The following DNAH5 variants were observed in gnomAD, a reference collection of about 807,000 sequenced individuals.
DNAH5 encodes the protein axonemal beta dynein heavy chain 5.
In DNAH5, 372 loss-of-function variants were observed where a neutral mutation model predicts 518.2. The ratio of observed to expected loss-of-function variants is 0.72; its 90% CI spans 0.66 to 0.78. The LOEUF is 0.78. Ranked by LOEUF, DNAH5 falls within the 30% of genes least tolerant of loss-of-function variation. The pLI is 0.00. For synonymous variants in DNAH5, 2,039 were observed against 2,025.9 expected, an observed-to-expected ratio of 1.01 and a Z score of -0.17; for missense variants, 5,523 against 5,687.0, an observed-to-expected ratio of 0.97 and a Z score of 0.93.
Position 13,751,171 on chromosome 5 carries a change from C to T in DNAH5, c.11118G>A (p.Glu3706=). 1 of 1,613,964 alleles carries T rather than the reference C, an allele frequency of 6.2e-7. No individual in the cohort carries two copies. Among genetic ancestry groups the T allele is most frequent in the South Asian group, 1.1e-5 (1 of 91,070 alleles). Residue 3706 remains glutamate, a synonymous_variant, in exon 65 of 79, where the codon GAG becomes GAA. Coordinates refer to ENST00000265104, the MANE Select transcript of DNAH5 (RefSeq NM_001369.3). ...CAATGATGGAGGTACGGGCACTTATCTCAGGGGTGTAGGCTGGGTTAGGCA... is the reference window on the plus strand; with the variant it reads ...CAATGATGGAGGTACGGGCACTTATTTCAGGGGTGTAGGCTGGGTTAGGCA... ...TKLPNPAYTP[E]ISARTSIIDF... is the part of the protein sequence containing the mutation.
intron 1 of DNAH5, among the ~76,000 whole-genome samples, chr5:13,942,230 G>A (rs1779525057): frequency 6.6e-6 from 1 of 152,098 alleles, no homozygotes. Context: ...GTTGTTACTG[G>A]CATGATATTT....
chr5:13,969,674 TTGATA>T (rs1490376215), intron 1 of DNAH5, among the ~76,000 whole-genome samples: 1 of 152,208 alleles, frequency 6.6e-6, no homozygotes, highest in Non-Finnish European at 1.5e-5. Context: ...GAGAGAGTAC[TTGATA>T]TAATTTCAAT....
intron 1 of DNAH5, among the ~76,000 whole-genome samples, chr5:13,936,097 G>C (rs1161375645): frequency 6.6e-6 from 1 of 152,196 alleles, no homozygotes; most frequent in Non-Finnish European, 1.5e-5. Context: ...CTGCTTCCCA[G>C]GTGGCCAATC....
At chr5:13,920,105 C>A (rs570340305) in intron 6 of DNAH5, among the ~76,000 whole-genome samples, 34 of 152,204 alleles carry the variant, frequency 2.2e-4, no homozygotes, top group Non-Finnish European at 4.1e-4. Context: ...TTCATGCCTT[C>A]ATTGAGGACT....
chr5:13,934,473 C>A (rs973030809), intron 1 of DNAH5, among the ~76,000 whole-genome samples: 2 of 152,076 alleles, frequency 1.3e-5, no homozygotes, highest in African/African-American at 4.8e-5. Context: ...AGAATAATTT[C>A]ATTGGTTGGA....
At chr5:13,704,177 G>A (rs1029458215) in intron 76 of DNAH5, among the ~76,000 whole-genome samples, 8 of 152,230 alleles carry the variant, frequency 5.3e-5, no homozygotes, top group African/African-American at 1.9e-4. Flanking sequence ...CAGCAGGTTG[G>A]AGAAGCCACA....
rs138711143 is a variant in DNAH5, at chr5:13,699,174, T to A, written c.13723+1466A>T. Reference sequence around the variant, plus strand: ...GTCTAACTCCCCATAACTCTCATTCTTGTCCTCCAAAGCACATCTCAAAAG... The same window carrying A: ...GTCTAACTCCCCATAACTCTCATTCATGTCCTCCAAAGCACATCTCAAAAG... On this transcript the variant is annotated intron_variant, in intron 78 of 78. Transcript: ENST00000265104. Among the ~76,000 whole-genome samples, 130 of 152,334 alleles carry A rather than the reference T, an allele frequency of 8.5e-4. No homozygotes were observed. In the Middle Eastern group the frequency reaches 0.01, roughly 12 times the overall value.
chr5:13,818,334 C>T (rs1319363337), intron 41 of DNAH5, among the ~76,000 whole-genome samples: 1 of 152,198 alleles, frequency 6.6e-6, no homozygotes, highest in Non-Finnish European at 1.5e-5. Flanking sequence ...CATGGTGGCT[C>T]ACGCCTGTAA....
At chr5:13,739,213 C>T (rs1046038248) in intron 65 of DNAH5, among the ~76,000 whole-genome samples, 3 of 152,172 alleles carry the variant, frequency 2.0e-5, no homozygotes, top group Non-Finnish European at 4.4e-5. Context: ...CCACTCAAAT[C>T]TCACCTTGAA....
intron 35 of DNAH5, among the ~76,000 whole-genome samples, chr5:13,832,334 G>A (rs903907560): frequency 5.3e-5 from 8 of 152,304 alleles, no homozygotes; most frequent in Middle Eastern, 3.4e-3. Flanking sequence ...TGAAAAGCAG[G>A]TGGGCATGCC....
intron 1 of DNAH5, among the ~76,000 whole-genome samples, chr5:13,996,945 G>T (rs1192390713): frequency 2.6e-5 from 4 of 152,232 alleles, no homozygotes; most frequent in Non-Finnish European, 5.9e-5. Flanking sequence ...CTCTGTGGTG[G>T]TCCTGCCCCT....
intron 21 of DNAH5, among the ~76,000 whole-genome samples, chr5:13,878,610 G>A (rs918299456): frequency 1.1e-4 from 17 of 152,240 alleles, no homozygotes; most frequent in South Asian, 8.3e-4. Flanking sequence ...GCTACGACAC[G>A]CACCAAGTGC....
chr5:13,915,513 A>C (rs1776552224), intron 9 of DNAH5, among the ~76,000 whole-genome samples: 1 of 152,086 alleles, frequency 6.6e-6, no homozygotes, highest in Admixed American at 6.6e-5. Flanking sequence ...CGCAACCCTA[A>C]CATATAATTT....
At chr5:13,868,708 C>T (rs1769643820) in intron 24 of DNAH5, among the ~76,000 whole-genome samples, 1 of 152,192 alleles carries the variant, frequency 6.6e-6, no homozygotes, top group South Asian at 2.1e-4. Context: ...TCTCTCTCTT[C>T]CCTCCCTCTC....
rs1208252629 is a variant in DNAH5, at chr5:13,920,662, A to G, written c.661-45T>C. 4.3e-6 allele frequency: 7 copies of G among 1,609,790 alleles called. No individual in the cohort carries two copies. In the East Asian group the frequency reaches 1.6e-4, roughly 36 times the overall value. On this transcript the variant is annotated intron_variant, in intron 5 of 78. Coordinates refer to ENST00000265104, the MANE Select transcript of DNAH5 (RefSeq NM_001369.3). The stretch of plus-strand genomic sequence containing the variant: ...AATAATCAGATGATGCTTTTGTAAA[A>G]CACACAGACTGTGGGCCCTGTGTTT...
intron 70 of DNAH5, 72 bp from the exon 71 acceptor site, chr5:13,721,317 CA>C: frequency 6.3e-7 from 1 of 1,593,574 alleles, no homozygotes; most frequent in Non-Finnish European, 8.6e-7. Flanking sequence ...GTGTGGTTTC[CA>C]AAATTCATTT....
chr5:13,815,633 A>C (rs1761356560), intron 42 of DNAH5, among the ~76,000 whole-genome samples: 1 of 152,080 alleles, frequency 6.6e-6, no homozygotes, highest in Admixed American at 6.6e-5. Flanking sequence ...CTAGCATCCC[A>C]AACTAAGGTG....
intron 65 of DNAH5, among the ~76,000 whole-genome samples, chr5:13,750,536 C>CTTT (rs1388474119): frequency 6.6e-6 from 1 of 152,178 alleles, no homozygotes; most frequent in African/African-American, 2.4e-5. Context: ...CAGAGTGAAA[C>CTTT]TCAGGTGGCA....
intron 55 of DNAH5, among the ~76,000 whole-genome samples, chr5:13,773,078 A>T (rs1753567927): frequency 6.6e-6 from 1 of 152,200 alleles, no homozygotes; most frequent in Non-Finnish European, 1.5e-5. Flanking sequence ...TTTTCTATTT[A>T]TTGAAGAAAG....
Sources: gnomAD v4.1 joint callset for allele counts (sites outside exome capture counted in the v4.1 genomes callset) on GRCh38, gnomAD v4.1.1 for gene constraint, MANE v1.5 for transcripts, NCBI Gene and HGNC (gene_info 2026-07-23, HGNC 2026-07-21) for gene names.